Variants in VPS13D observed in about 807,000 individuals in gnomAD.
VPS13D encodes the protein intermembrane lipid transfer protein VPS13D.
A neutral mutation model predicts 461.9 loss-of-function variants in VPS13D; 187 were observed. That is an observed-to-expected ratio of 0.40 (90% CI 0.36 to 0.46). The LOEUF (loss-of-function observed/expected upper bound fraction) is 0.46. VPS13D is among the 20% of genes least tolerant of loss of function. The pLI is 0.60. For synonymous variants in VPS13D, 1,951 were observed against 1,986.3 expected (o/e 0.98, Z 0.47); for missense variants, 4,711 against 5,364.9 (o/e 0.88, Z 3.81).
chr1:12,500,934 T>A (rs965249363), intron 68 of VPS13D, among the ~76,000 whole-genome samples: 1 of 151,582 alleles, frequency 6.6e-6, no homozygotes, highest in Admixed American at 6.6e-5. Context: ...CACACCTCTA[T>A]CCCCAGCTAC....
chr1:12,493,260 G>A (rs930780013), intron 67 of VPS13D, among the ~76,000 whole-genome samples: 9 of 151,630 alleles, frequency 5.9e-5, no homozygotes, highest in African/African-American at 1.5e-4. Flanking sequence ...AGGCCGAGGC[G>A]GGTGGATCAC....
chr1:12,454,799 T>C (rs1645304694), intron 65 of VPS13D, among the ~76,000 whole-genome samples: 1 of 152,256 alleles, frequency 6.6e-6, no homozygotes, highest in Non-Finnish European at 1.5e-5. Flanking sequence ...CCCTGAGCCT[T>C]GTATCTAAGG....
chr1:12,273,776 C>G (rs558940708), intron 18 of VPS13D, among the ~76,000 whole-genome samples: 1 of 152,058 alleles, frequency 6.6e-6, no homozygotes, highest in Non-Finnish European at 1.5e-5. Flanking sequence ...GTGGCTGTTC[C>G]GCGTTTTGTT....
intron 60 of VPS13D, among the ~76,000 whole-genome samples, chr1:12,396,913 T>TTAAAAAG (rs1156806128): frequency 2.0e-5 from 3 of 152,308 alleles, no homozygotes; most frequent in Non-Finnish European, 2.9e-5. Flanking sequence ...ATTCTTTACT[T>TTAAAAAG]TAAAAAGTTG....
chr1:12,259,042 C>CTTTTTTTT (rs201506361), intron 10 of VPS13D, among the ~76,000 whole-genome samples: 1 of 150,308 alleles, frequency 6.7e-6, no homozygotes, highest in African/African-American at 2.4e-5. Flanking sequence ...TTTTCTTCTT[C>CTTTTTTTT]TTCTTTTTTT....
Position 12,509,867 on chromosome 1 carries a change from A to G in VPS13D, c.*843A>G, listed in dbSNP as rs144375933. On this transcript the variant is annotated 3_prime_UTR_variant, in exon 70 of 70. Transcript: ENST00000620676. ...GTTATTATTATTAGAGAGGTTGGAAACATTGGTAAACTCTGTTGATTGAGA... is the reference window on the plus strand; with the variant it reads ...GTTATTATTATTAGAGAGGTTGGAAGCATTGGTAAACTCTGTTGATTGAGA... 0.019 allele frequency: 2,941 copies of G among 152,372 alleles called. 116 individuals carry two copies. Among genetic ancestry groups the G allele is most frequent in the Admixed American group, 0.1 (1,565 of 15,308 alleles). The allele number at this position is 152,372 out of a possible 1,614,324, so 9.4% of individuals were successfully genotyped here.
chr1:12,416,583 T>G, intron 64 of VPS13D, 77 bp from the exon 65 acceptor site: 1 of 1,456,222 alleles, frequency 6.9e-7, no homozygotes, highest in Non-Finnish European at 9.3e-7. Context: ...ATTTCTAAGC[T>G]CTTCGCTTGG....
At chr1:12,242,437 T>C in intron 2 of VPS13D, 76 bp from the exon 3 acceptor site, 2 of 1,356,890 alleles carry the variant, frequency 1.5e-6, no homozygotes, top group Non-Finnish European at 2.1e-6. Context: ...CCCTTTAACC[T>C]TCAATGCTTT....
chr1:12,259,903 G>A (rs952720614), intron 10 of VPS13D, among the ~76,000 whole-genome samples: 1 of 152,002 alleles, frequency 6.6e-6, no homozygotes, highest in Non-Finnish European at 1.5e-5. Context: ...CAGGAAGAGC[G>A]ATAACTAGGC....
At chr1:12,406,682 C>G (rs1206726357) in intron 63 of VPS13D, among the ~76,000 whole-genome samples, 1 of 152,198 alleles carries the variant, frequency 6.6e-6, no homozygotes, top group African/African-American at 2.4e-5. Context: ...GCACAGCATT[C>G]CTGCCTGACT....
chr1:12,435,821 C>A (rs887648006), intron 65 of VPS13D, among the ~76,000 whole-genome samples: 1 of 152,024 alleles, frequency 6.6e-6, no homozygotes, highest in African/African-American at 2.4e-5. Context: ...AGTTTAAAGT[C>A]ATTTCCTGTG....
Position 12,275,957 on chromosome 1 carries a change from A to G in VPS13D, c.2369A>G (p.Lys790Arg). The G allele has an allele frequency of 6.2e-7, 1 of 1,614,014 alleles. No individual in the cohort carries two copies. The change falls in exon 19 of 70, where the codon AAA becomes AGA. Residue 790 changes from lysine (K) to arginine (R), a missense_variant. By Grantham distance (26) the Lys-to-Arg change is conservative. This residue lies in a region of VPS13D where 4,411 missense variants were observed against 4,937.8 expected (regional missense o/e 0.89). Coordinates refer to ENST00000620676, the MANE Select transcript of VPS13D (RefSeq NM_015378.4). ...GAGTCAAGCAGCAGCAACGGAGAGAAAACACCTCCCTTTTCTGGAGTTGAG... is the reference window on the plus strand; with the variant it reads ...GAGTCAAGCAGCAGCAACGGAGAGAGAACACCTCCCTTTTCTGGAGTTGAG... Reference protein sequence around the residue: ...PPESSSSNGEKTPPFSGVEFS... With the variant: ...PPESSSSNGERTPPFSGVEFS...
At position 12,335,826 on chromosome 1, in the gene VPS13D, A is replaced by G. The variant is rs899920919; in HGVS notation, c.8550A>G (p.Gln2850=). 10 of 1,614,000 alleles carry G rather than the reference A, an allele frequency of 6.2e-6. 1 individual carries two copies. The highest frequency in any genetic ancestry group is 8.5e-6 in the Non-Finnish European group (10 of 1,179,980). ...CGGTGGATCCTCCATGTTTTGGACA[A>G]AGTAAGAGTTTTCACTACATGTGTT... ...GSSVDPPCFG[Q]SLPLVYLRTR... The change falls in exon 39 of 70, where the codon CAA becomes CAG. Residue 2850 remains glutamine, a splice_region_variant and synonymous_variant. Transcript: ENST00000620676.
chr1:12,466,112 C>T (rs559118593), intron 67 of VPS13D, among the ~76,000 whole-genome samples: 26 of 148,916 alleles, frequency 1.7e-4, no homozygotes, highest in Middle Eastern at 3.5e-3. Flanking sequence ...TCCAGCCTGG[C>T]GACAGAGCGA....
At chr1:12,455,420 G>A (rs1236608465) in intron 65 of VPS13D, among the ~76,000 whole-genome samples, 1 of 152,086 alleles carries the variant, frequency 6.6e-6, no homozygotes, top group East Asian at 1.9e-4. Flanking sequence ...AGACTATTTT[G>A]TTATACCTCT....
chr1:12,315,781 C>A (rs753879521), intron 30 of VPS13D, among the ~76,000 whole-genome samples: 1 of 152,062 alleles, frequency 6.6e-6, no homozygotes, highest in Non-Finnish European at 1.5e-5. Flanking sequence ...TTCCTTTGAA[C>A]AAGAGGCTGG....
At chr1:12,230,663 G>A (rs1378401359) in intron 1 of VPS13D, among the ~76,000 whole-genome samples, 3 of 152,120 alleles carry the variant, frequency 2.0e-5, no homozygotes, top group Non-Finnish European at 4.4e-5. Context: ...CTCGCGTGGA[G>A]ACATCAGGCC....
chr1:12,273,446 C>T (rs1019989587), intron 18 of VPS13D, among the ~76,000 whole-genome samples: 3 of 152,060 alleles, frequency 2.0e-5, no homozygotes, highest in African/African-American at 7.2e-5. Context: ...ATGTATAGTG[C>T]GGTTGTTTTT....
intron 67 of VPS13D, chr1:12,478,560 CA>C: frequency 2.9e-6 from 1 of 343,330 alleles, no homozygotes; most frequent in Non-Finnish European, 5.8e-6. Context: ...TCTCACACTG[CA>C]TGTAATAGAA....
Sources: allele counts gnomAD v4.1 joint callset (sites outside exome capture counted in the v4.1 genomes callset), GRCh38; gene constraint gnomAD v4.1.1; regional missense constraint gnomAD v4.1.1; transcripts MANE v1.5; gene names NCBI Gene and HGNC (gene_info 2026-07-23, HGNC 2026-07-21).